PAPPA2: variants seen among roughly 807,000 people sequenced by gnomAD.
The protein encoded by PAPPA2 is pappalysin-2.
A neutral mutation model predicts 176.4 loss-of-function variants in PAPPA2; 86 were observed. The ratio of observed to expected loss-of-function variants is 0.49; its 90% confidence interval spans 0.41 to 0.58. PAPPA2 has a LOEUF of 0.58. PAPPA2 is among the 20% of genes least tolerant of loss of function. The pLI is 0.00. For missense variants in PAPPA2, 2,073 were observed against 2,256.9 expected (o/e 0.92, Z 1.65); for synonymous variants, 809 against 852.2 (o/e 0.95, Z 0.88).
intron 8 of PAPPA2, 77 bp downstream of exon 8, chr1:176,699,666 T>C: frequency 6.6e-7 from 1 of 1,511,170 alleles, no homozygotes; most frequent in African/African-American, 1.4e-5. Flanking sequence ...CACTTTTTAA[T>C]ATTCAGCCAT....
chr1:176,587,129 G>A (rs1653363455), intron 2 of PAPPA2, among the ~76,000 whole-genome samples: 1 of 151,760 alleles, frequency 6.6e-6, no homozygotes, highest in Non-Finnish European at 1.5e-5. Context: ...CTTTTTGATG[G>A]GTTGTTTGTT....
At chr1:176,485,662 C>A (rs1652613897) in intron 1 of PAPPA2, among the ~76,000 whole-genome samples, 1 of 152,090 alleles carries the variant, frequency 6.6e-6, no homozygotes, top group Admixed American at 6.6e-5. Flanking sequence ...TGCAAGAGAG[C>A]AGGATTTTTG....
chr1:176,756,953 C>G (rs1663456174), intron 14 of PAPPA2, among the ~76,000 whole-genome samples: 1 of 152,156 alleles, frequency 6.6e-6, no homozygotes, highest in Admixed American at 6.6e-5. Context: ...TGAGAACATG[C>G]AGTGTTTGGT....
At chr1:176,784,425 T>A (rs1664844143) in intron 17 of PAPPA2, among the ~76,000 whole-genome samples, 1 of 152,132 alleles carries the variant, frequency 6.6e-6, no homozygotes, top group African/African-American at 2.4e-5. Context: ...GATCAGTCCA[T>A]CCATTGCTGT....
chr1:176,752,361 A>C lies in PAPPA2; in HGVS notation c.4151+12165A>C, dbSNP rs1230358106. Among the ~76,000 whole-genome samples the C allele has an allele frequency of 1.6e-4, 24 of 151,790 alleles. 1 individual carries two copies. The South Asian group carries it at 3.3e-3, about 21-fold the overall frequency. On this transcript the variant is annotated intron_variant, in intron 14 of 22. Transcript: ENST00000367662. Reference sequence around the variant, plus strand: ...GTATAATAAAAAAAAAAAAAAAAAAAAAAACATTTACCATTAGGCTGTTAT... The same window carrying C: ...GTATAATAAAAAAAAAAAAAAAAAACAAAACATTTACCATTAGGCTGTTAT...
intron 12 of PAPPA2, among the ~76,000 whole-genome samples, chr1:176,715,100 C>T (rs2102840389): frequency 6.6e-6 from 1 of 152,228 alleles, no homozygotes; most frequent in African/African-American, 2.4e-5. Flanking sequence ...TGGATTCCAC[C>T]TAAACCCCCT....
chr1:176,713,900 G>C (rs1319346073), intron 12 of PAPPA2, among the ~76,000 whole-genome samples: 2 of 152,020 alleles, frequency 1.3e-5, no homozygotes, highest in African/African-American at 4.8e-5. Context: ...TTTTAGTTTT[G>C]ACTCTTATAT....
At chr1:176,582,118 G>T (rs1428161190) in intron 2 of PAPPA2, among the ~76,000 whole-genome samples, 15 of 151,548 alleles carry the variant, frequency 9.9e-5, no homozygotes, top group Admixed American at 9.9e-4. Context: ...TAGTAGAGAC[G>T]GGGTTTTACC....
chr1:176,504,044 A>G (rs765679837), intron 1 of PAPPA2, among the ~76,000 whole-genome samples: 3 of 152,128 alleles, frequency 2.0e-5, no homozygotes, highest in Non-Finnish European at 4.4e-5. Context: ...TCTGGAAACT[A>G]TGAAGAACTT....
intron 2 of PAPPA2, among the ~76,000 whole-genome samples, chr1:176,566,842 G>A (rs1474766423): frequency 1.3e-5 from 2 of 152,098 alleles, no homozygotes; most frequent in Non-Finnish European, 2.9e-5. Flanking sequence ...TCCAATCTGT[G>A]CCTTGAGGAG....
chr1:176,764,572 A>G (rs1246742248), intron 14 of PAPPA2, among the ~76,000 whole-genome samples: 1 of 151,740 alleles, frequency 6.6e-6, no homozygotes, highest in Non-Finnish European at 1.5e-5. Context: ...CAAGAGGGTG[A>G]CACTCATTTT....
chr1:176,553,752 T>C (rs948770448), intron 1 of PAPPA2: 2 of 151,962 alleles, frequency 1.3e-5, no homozygotes, highest in African/African-American at 2.4e-5. Context: ...GAAACCTTTT[T>C]CTGAGGGTTA....
intron 1 of PAPPA2, among the ~76,000 whole-genome samples, chr1:176,529,018 G>T (rs982656572): frequency 5.3e-5 from 8 of 152,150 alleles, no homozygotes; most frequent in African/African-American, 1.9e-4. Context: ...TTACTTGTGG[G>T]CAGGAAGCAG....
At chr1:176,614,027 G>A (rs1655077824) in intron 3 of PAPPA2, among the ~76,000 whole-genome samples, 1 of 152,172 alleles carries the variant, frequency 6.6e-6, no homozygotes, top group Non-Finnish European at 1.5e-5. Flanking sequence ...GAGAGGTTGG[G>A]AAATAAGGAA....
intron 3 of PAPPA2, among the ~76,000 whole-genome samples, chr1:176,615,617 A>G (rs758408296): frequency 6.6e-6 from 1 of 152,126 alleles, no homozygotes; most frequent in East Asian, 1.9e-4. Flanking sequence ...GTCAGCCACC[A>G]CGCCTGGCCT....
intron 1 of PAPPA2, among the ~76,000 whole-genome samples, chr1:176,545,976 G>A (rs1441692628): frequency 1.3e-5 from 2 of 152,152 alleles, no homozygotes; most frequent in African/African-American, 4.8e-5. Context: ...AACTGAGGAA[G>A]GTGGCAGTGT....
At chr1:176,675,106 C>T (rs768213095) in intron 4 of PAPPA2, among the ~76,000 whole-genome samples, 3 of 151,798 alleles carry the variant, frequency 2.0e-5, no homozygotes, top group Non-Finnish European at 2.9e-5. Context: ...AGAGTTTTTC[C>T]AGTGTTATCT....
chr1:176,765,670 A>G lies in PAPPA2; in HGVS notation c.4156A>G (p.Ile1386Val), dbSNP rs1663930398. The G allele has an allele frequency of 6.2e-7, 1 of 1,613,840 alleles. No individual in the cohort carries two copies. The highest frequency in any genetic ancestry group is 8.5e-7 in the Non-Finnish European group (1 of 1,179,890). ...EGQNHQGQSC[I>V]HRPCGKQDSC... The stretch of plus-strand genomic sequence containing the variant: ...GTTCTATTTCTCTTATCCCAGCTGT[A>G]TCCATCGGCCCTGTGGGAAGCAGGA... Residue 1386 changes from isoleucine (I) to valine (V), a missense_variant, in exon 15 of 23, where the codon ATC becomes GTC. Physicochemically the swap from Ile to Val is conservative, Grantham distance 29. Around this residue, in one of 4 missense-constraint regions of PAPPA2, gnomAD observed 846 missense variants for 857.9 expected, o/e 0.99. Coordinates refer to ENST00000367662, the MANE Select transcript of PAPPA2 (RefSeq NM_020318.3).
At chr1:176,581,670 A>G (rs948318465) in intron 2 of PAPPA2, among the ~76,000 whole-genome samples, 23 of 152,086 alleles carry the variant, frequency 1.5e-4, no homozygotes, top group African/African-American at 5.5e-4. Flanking sequence ...GAGATCTTTT[A>G]CATCCTTGGT....
Sources: gnomAD v4.1 joint callset for allele counts (sites outside exome capture counted in the v4.1 genomes callset) on GRCh38, gnomAD v4.1.1 for gene constraint, gnomAD v4.1.1 regional missense constraint, MANE v1.5 for transcripts, NCBI Gene and HGNC (gene_info 2026-07-23, HGNC 2026-07-21) for gene names.